Variants in CCDC125 observed in about 807,000 individuals in gnomAD.
CCDC125 encodes coiled-coil domain containing 125, also known as coiled-coil domain-containing protein 125.
In CCDC125, 43 loss-of-function variants were observed where a neutral mutation model predicts 57.4. The ratio of observed to expected loss-of-function variants is 0.75; its 90% confidence interval spans 0.59 to 0.97. CCDC125 has a LOEUF of 0.97. Among genes scored for constraint, CCDC125 ranks in the 50% least tolerant of loss-of-function variants. CCDC125 has a pLI of 0.00. For synonymous variants in CCDC125, 187 were observed against 195.2 expected, an observed-to-expected ratio of 0.96 and a Z score of 0.35; for missense variants, 563 against 595.7, an observed-to-expected ratio of 0.95 and a Z score of 0.57.
intron 4 of CCDC125, chr5:69,308,321 T>C: frequency 2.5e-6 from 1 of 397,450 alleles, no homozygotes; most frequent in Non-Finnish European, 4.7e-6. Flanking sequence ...GGTTTGGCTC[T>C]GTGTCCCCAC....
At chr5:69,331,684 G>C (rs1319046348) in intron 1 of CCDC125, among the ~76,000 whole-genome samples, 1 of 152,146 alleles carries the variant, frequency 6.6e-6, no homozygotes, top group Non-Finnish European at 1.5e-5. Context: ...AACTGCACTT[G>C]CTCCCAGGGC....
intron 6 of CCDC125, among the ~76,000 whole-genome samples, chr5:69,304,432 T>C (rs1443064348): frequency 6.7e-6 from 1 of 149,892 alleles, no homozygotes; most frequent in Non-Finnish European, 1.5e-5. Flanking sequence ...CTTTTTTTTT[T>C]TTTTTCTTTT....
chr5:69,307,462 T>C (rs978649816), intron 5 of CCDC125, among the ~76,000 whole-genome samples: 3 of 151,918 alleles, frequency 2.0e-5, no homozygotes, highest in Non-Finnish European at 4.4e-5. Context: ...GTGGGTGGAT[T>C]ACAAGGTCAG....
chr5:69,275,924 A>G (rs1752085971), downstream of CCDC125, among the ~76,000 whole-genome samples: 1 of 152,224 alleles, frequency 6.6e-6, no homozygotes. Context: ...ATATGCAAAT[A>G]TTCCACAGTC....
chr5:69,280,763 T>C lies in CCDC125; in HGVS notation c.*1966A>G, dbSNP rs1365019315. 6.6e-6 allele frequency: 1 copy of C among 152,252 alleles called. No individual in the cohort carries two copies. The highest frequency in any genetic ancestry group is 1.9e-4 in the East Asian group (1 of 5,200). 9.4% of individuals were successfully genotyped at this position (152,252 alleles called of 1,614,324 possible). On this transcript the variant is annotated 3_prime_UTR_variant, in exon 12 of 12. Transcript: ENST00000396496. ...TCTCTCCATTTTGTAGAGTATTCCA[T>C]TGTATAGCTGTACAGTAATTTAGAT... is the stretch of plus-strand genomic sequence containing the variant.
rs1034228655 is a variant in CCDC125, at chr5:69,281,901, T to G, written c.*828A>C. The G allele has an allele frequency of 5.3e-5, 8 of 152,186 alleles. No homozygotes were observed. Among genetic ancestry groups the G allele is most frequent in the African/African-American group, 1.4e-4 (6 of 41,530 alleles). The allele number at this position is 152,186 out of a possible 1,614,324, so 9.4% of individuals were successfully genotyped here. ...GCAAACACTGTAATGTGTTTTTTTT[T>G]TTTTTTGAGACAGAGTTTCGCTCTT... is the stretch of plus-strand genomic sequence containing the variant. On this transcript the variant is annotated 3_prime_UTR_variant, in exon 12 of 12. Transcript: ENST00000396496.
rs1299833331 is a variant in CCDC125 at position 69,320,391 on chromosome 5, T to G, written c.150A>C (p.Lys50Asn). 6.2e-7 allele frequency: 1 copy of G among 1,614,160 alleles called. No individual in the cohort carries two copies. Among genetic ancestry groups the G allele is most frequent in the East Asian group, 2.2e-5 (1 of 44,886 alleles). ...YEIEFSHRSR[K>N]RSDGKNFSPP... is the part of the protein sequence containing the mutation. ...GGCTAAAGTTCTTTCCATCTGATCT[T>G]TTTCTAGACCTATGTGAAAATTCTA... The change falls in exon 2 of 12, where the codon AAA (lysine) becomes AAC (asparagine). Residue 50 changes from lysine (K) to asparagine (N), a missense_variant. Transcript: ENST00000396496.
rs925843488 is a variant in CCDC125 at position 69,280,523 on chromosome 5, C to T, written c.*2206G>A. ...TCCAGCAATAATCAATGCTGTCTCA[C>T]CCTTACGAGCAGCCGGCCCTGAATT... On this transcript the variant is annotated 3_prime_UTR_variant, in exon 12 of 12. Transcript: ENST00000396496. 3 of 152,224 alleles carry T rather than the reference C, an allele frequency of 2.0e-5. No homozygotes were observed. Among genetic ancestry groups the T allele is most frequent in the African/African-American group, 7.2e-5 (3 of 41,454 alleles). The allele number at this position is 152,224 out of a possible 1,614,324, so 9.4% of individuals were successfully genotyped here.
intron 3 of CCDC125, 88 bp from the exon 4 acceptor site, chr5:69,311,292 C>T (rs1303179042): frequency 2.8e-6 from 2 of 707,662 alleles, no homozygotes; most frequent in Non-Finnish European, 4.7e-6. Context: ...TTACCCTTGG[C>T]TCAAACCACT....
intron 8 of CCDC125, among the ~76,000 whole-genome samples, chr5:69,298,266 G>A (rs1272324067): frequency 6.6e-5 from 10 of 151,938 alleles, no homozygotes; most frequent in Middle Eastern, 3.2e-3. Flanking sequence ...CGCCCGCCTC[G>A]GCCTCCCAAA....
chr5:69,323,349 T>A (rs1202003769), intron 1 of CCDC125, among the ~76,000 whole-genome samples: 1 of 152,052 alleles, frequency 6.6e-6, no homozygotes, highest in Non-Finnish European at 1.5e-5. Flanking sequence ...CAAAAAGGTA[T>A]CATATTTGCA....
chr5:69,275,313 A>G (rs191475006), downstream of CCDC125, among the ~76,000 whole-genome samples: 1 of 152,326 alleles, frequency 6.6e-6, no homozygotes, highest in East Asian at 1.9e-4. Flanking sequence ...CATTGGTTCC[A>G]ACCTACTGTA....
intron 8 of CCDC125, among the ~76,000 whole-genome samples, chr5:69,295,840 G>A (rs1755217134): frequency 6.6e-6 from 1 of 151,222 alleles, no homozygotes; most frequent in African/African-American, 2.4e-5. Context: ...CCTAAACATT[G>A]TCCATATAAG....
At chr5:69,328,072 T>A (rs1331051554) in intron 1 of CCDC125, among the ~76,000 whole-genome samples, 1 of 152,162 alleles carries the variant, frequency 6.6e-6, no homozygotes, top group East Asian at 1.9e-4. Flanking sequence ...AATTTTTGTA[T>A]TTTAGTAGAG....
chr5:69,302,375 G>A (rs1447430888), intron 7 of CCDC125, among the ~76,000 whole-genome samples: 4 of 137,380 alleles, frequency 2.9e-5, no homozygotes, highest in African/African-American at 1.1e-4. Flanking sequence ...AAGCCAAGAT[G>A]GCGTCACAGC....
At chr5:69,301,004 A>C (rs1580077716) in intron 7 of CCDC125, among the ~76,000 whole-genome samples, 1 of 137,600 alleles carries the variant, frequency 7.3e-6, no homozygotes, top group South Asian at 2.5e-4. Context: ...GGATCCTCTC[A>C]CCTTAACCTC....
At chr5:69,273,233 C>T in the CCDC125 span, among the ~76,000 whole-genome samples, 6 of 151,950 alleles carry the variant, frequency 3.9e-5, no homozygotes, top group African/African-American at 1.5e-4. Flanking sequence ...AAATTATATG[C>T]ACACAGAGAT....
intron 1 of CCDC125, among the ~76,000 whole-genome samples, chr5:69,328,491 T>TAAAATA (rs535894960): frequency 2.6e-5 from 4 of 151,188 alleles, no homozygotes; most frequent in Admixed American, 1.3e-4. Context: ...AAAATAAAAA[T>TAAAATA]AAAATAAAAA....
intron 1 of CCDC125, among the ~76,000 whole-genome samples, chr5:69,331,279 C>G (rs1371532140): frequency 1.3e-5 from 2 of 152,034 alleles, no homozygotes; most frequent in Non-Finnish European, 2.9e-5. Context: ...GTCACCCACG[C>G]TGGAGTGCAA....
Sources: allele counts gnomAD v4.1 joint callset (sites outside exome capture counted in the v4.1 genomes callset), GRCh38; gene constraint gnomAD v4.1.1; transcripts MANE v1.5; gene names NCBI Gene and HGNC (gene_info 2026-07-23, HGNC 2026-07-21).